Variants in ATP2B2 observed in about 807,000 individuals in gnomAD.
ATP2B2 encodes the protein plasma membrane calcium-transporting ATPase 2.
Under a neutral mutation model 120.0 loss-of-function variants are expected in ATP2B2, and 15 were observed. That is an observed-to-expected ratio of 0.12 (90% CI 0.08 to 0.19). The LOEUF (loss-of-function observed/expected upper bound fraction) is 0.19. Ranked by LOEUF, ATP2B2 falls within the 10% of genes least tolerant of loss-of-function variation. ATP2B2 has a pLI of 1.00. For missense variants in ATP2B2, 1,045 were observed against 1,719.8 expected, an observed-to-expected ratio of 0.61 and a Z score of 6.94; for synonymous variants, 694 against 700.3, an observed-to-expected ratio of 0.99 and a Z score of 0.14.
chr3:10,471,991 G>A (rs2065027204), intron 1 of ATP2B2, among the ~76,000 whole-genome samples: 1 of 149,442 alleles, frequency 6.7e-6, no homozygotes, highest in Non-Finnish European at 1.5e-5. Flanking sequence ...TGAGGCAGGA[G>A]AATGGCGTGA....
At chr3:10,602,888 CCCT>C (rs1399710129) in intron 2 of ATP2B2, among the ~76,000 whole-genome samples, 6 of 152,174 alleles carry the variant, frequency 3.9e-5, no homozygotes, top group Admixed American at 3.3e-4. Flanking sequence ...CTCAGAGCCT[CCCT>C]CCTCCTCCAC....
chr3:10,559,210 T>C (rs1217806506), intron 2 of ATP2B2, among the ~76,000 whole-genome samples: 3 of 152,060 alleles, frequency 2.0e-5, no homozygotes, highest in Non-Finnish European at 4.4e-5. Context: ...AGTGAGCTCG[T>C]GGAAGTAGAG....
At chr3:10,624,872 T>G (rs953591625) in intron 1 of ATP2B2, among the ~76,000 whole-genome samples, 29 of 152,236 alleles carry the variant, frequency 1.9e-4, no homozygotes, top group African/African-American at 6.8e-4. Context: ...TCTGGACTTT[T>G]CTGGCTTGGC....
At position 10,371,858 on chromosome 3, in the gene ATP2B2, A is replaced by T; in HGVS notation, c.1610T>A (p.Leu537Gln). The change falls in exon 12 of 23, where the codon CTG becomes CAG. Residue 537 changes from leucine to glutamine, a missense_variant. Coordinates refer to ENST00000360273, the MANE Select transcript of ATP2B2 (RefSeq NM_001001331.4). ...GTTGATGGCGATGGCATTGATCAGCAGCTCCATGGTCTTGGTGTTGATGGA... is the reference window on the plus strand; with the variant it reads ...GTTGATGGCGATGGCATTGATCAGCTGCTCCATGGTCTTGGTGTTGATGGA... ...PSSINTKTME[L>Q]LINAIAINSA... The T allele has an allele frequency of 6.2e-7, 1 of 1,614,184 alleles. No homozygotes were observed. The highest frequency in any genetic ancestry group is 1.7e-5 in the Admixed American group (1 of 60,026).
chr3:10,364,753 G>A (rs1385404552), intron 12 of ATP2B2, among the ~76,000 whole-genome samples: 1 of 151,990 alleles, frequency 6.6e-6, no homozygotes, highest in Non-Finnish European at 1.5e-5. Flanking sequence ...AAATAAAAAA[G>A]CTCCCAAACG....
At chr3:10,567,505 T>C (rs1036914909) in intron 2 of ATP2B2, among the ~76,000 whole-genome samples, 3 of 152,212 alleles carry the variant, frequency 2.0e-5, no homozygotes, top group African/African-American at 7.2e-5. Context: ...TCTGACAGCC[T>C]CCCTTATCAG....
intron 14 of ATP2B2, among the ~76,000 whole-genome samples, chr3:10,353,688 C>G (rs2060638272): frequency 6.6e-6 from 1 of 152,226 alleles, no homozygotes. Context: ...AAGACTGTCT[C>G]CCAGAGCCAA....
intron 1 of ATP2B2, among the ~76,000 whole-genome samples, chr3:10,707,711 G>T (rs1242038474): frequency 6.7e-6 from 1 of 149,414 alleles, no homozygotes; most frequent in Non-Finnish European, 1.5e-5. Flanking sequence ...GCCGCCTGGT[G>T]CCCGCTCAAG....
intron 2 of ATP2B2, among the ~76,000 whole-genome samples, chr3:10,615,397 C>T (rs76520837): frequency 0.015 from 2,324 of 152,196 alleles, 151 homozygotes; most frequent in Admixed American, 0.11. Context: ...TGAGCAGAAA[C>T]GAAGGGAGGG....
chr3:10,415,333 A>G (rs540234604), intron 2 of ATP2B2, among the ~76,000 whole-genome samples: 2 of 152,218 alleles, frequency 1.3e-5, no homozygotes, highest in Non-Finnish European at 2.9e-5. Flanking sequence ...AGATTAAGCC[A>G]GACGTTCTGG....
chr3:10,618,552 C>T (rs546698212), intron 2 of ATP2B2, among the ~76,000 whole-genome samples: 3 of 152,274 alleles, frequency 2.0e-5, no homozygotes, highest in African/African-American at 7.2e-5. Context: ...CTTTAGCTCA[C>T]GGCAGCAGCA....
chr3:10,683,119 G>A (rs1326235635), intron 1 of ATP2B2, among the ~76,000 whole-genome samples: 2 of 151,120 alleles, frequency 1.3e-5, no homozygotes, highest in Non-Finnish European at 2.9e-5. Flanking sequence ...CCTCTGCCAG[G>A]GTTTTTTTTT....
intron 2 of ATP2B2, chr3:10,570,129 T>C (rs2068091241): frequency 6.6e-6 from 1 of 152,156 alleles, no homozygotes; most frequent in Non-Finnish European, 1.5e-5. Context: ...ACCTTCCCAT[T>C]GAAGAAGCTG....
At chr3:10,361,269 T>C (rs1184653483) in intron 12 of ATP2B2, among the ~76,000 whole-genome samples, 1 of 152,212 alleles carries the variant, frequency 6.6e-6, no homozygotes, top group African/African-American at 2.4e-5. Flanking sequence ...CCACCTGCCT[T>C]GGCCTCCCAC....
chr3:10,628,386 G>A (rs943104891), intron 1 of ATP2B2, among the ~76,000 whole-genome samples: 1 of 152,216 alleles, frequency 6.6e-6, no homozygotes, highest in African/African-American at 2.4e-5. Flanking sequence ...AGAGTGAACA[G>A]CAGCCAGGAG....
intron 8 of ATP2B2, among the ~76,000 whole-genome samples, chr3:10,384,853 GC>G (rs1559263290): frequency 6.6e-6 from 1 of 152,244 alleles, no homozygotes; most frequent in African/African-American, 2.4e-5. Context: ...GAGGACTAGA[GC>G]CTTTGCTGGG....
intron 2 of ATP2B2, among the ~76,000 whole-genome samples, chr3:10,420,682 T>C (rs898562510): frequency 3.3e-5 from 5 of 152,238 alleles, no homozygotes; most frequent in African/African-American, 1.2e-4. Context: ...TTTTTTCACG[T>C]GCAGCCTGAG....
At chr3:10,417,667 C>T (rs2062836313) in intron 2 of ATP2B2, among the ~76,000 whole-genome samples, 1 of 152,210 alleles carries the variant, frequency 6.6e-6, no homozygotes, top group African/African-American at 2.4e-5. Flanking sequence ...GATTGAGCAC[C>T]TACTATAAGC....
intron 1 of ATP2B2, among the ~76,000 whole-genome samples, chr3:10,470,853 C>T (rs2064955519): frequency 6.6e-6 from 1 of 152,144 alleles, no homozygotes; most frequent in Admixed American, 6.5e-5. Flanking sequence ...CTCAGTTCCC[C>T]CACCCCCATG....
Sources: allele counts gnomAD v4.1 joint callset (sites outside exome capture counted in the v4.1 genomes callset), GRCh38; gene constraint gnomAD v4.1.1; transcripts MANE v1.5; gene names NCBI Gene and HGNC (gene_info 2026-07-23, HGNC 2026-07-21).